The following UGT1A3 variants were observed in gnomAD, a reference collection of about 807,000 sequenced individuals.
UGT1A3 encodes the protein UDP-glucuronosyltransferase 1A3.
Under a neutral mutation model 41.0 loss-of-function variants are expected in UGT1A3, and 31 were observed. The observed-to-expected ratio is 0.76, with a 90% confidence interval of 0.57 to 1.02. The LOEUF (loss-of-function observed/expected upper bound fraction) is 1.02, where lower values mean the gene tolerates loss of function less well. Among genes scored for constraint, UGT1A3 ranks in the 50% least tolerant of loss-of-function variants. UGT1A3 has a pLI of 0.00. For missense variants in UGT1A3, 737 were observed against 671.0 expected, an observed-to-expected ratio of 1.10 and a Z score of -1.09; for synonymous variants, 262 against 257.6, an observed-to-expected ratio of 1.02 and a Z score of -0.17.
intron 1 of UGT1A3, among the ~76,000 whole-genome samples, chr2:233,758,923 C>T (rs1697018666): frequency 6.6e-6 from 1 of 152,192 alleles, no homozygotes; most frequent in Non-Finnish European, 1.5e-5. Context: ...TCATCTTTCC[C>T]TTTTGACTTC....
intron 1 of UGT1A3, chr2:233,760,313 G>T (rs761736540): frequency 6.2e-7 from 1 of 1,613,818 alleles, no homozygotes. Context: ...CAGGGCGGAC[G>T]CCCACTTGTC....
intron 1 of UGT1A3, among the ~76,000 whole-genome samples, chr2:233,759,124 T>C (rs184414791): frequency 7.2e-5 from 11 of 152,358 alleles, no homozygotes; most frequent in Admixed American, 2.6e-4. Flanking sequence ...AGTTACAGCC[T>C]CTGGTACGCA....
chr2:233,752,178 G>A (rs941619397), intron 1 of UGT1A3, among the ~76,000 whole-genome samples: 2 of 152,178 alleles, frequency 1.3e-5, no homozygotes, highest in African/African-American at 4.8e-5. Flanking sequence ...GATGTAAGCT[G>A]AATTAAAATC....
intron 1 of UGT1A3, among the ~76,000 whole-genome samples, chr2:233,762,329 A>G (rs1333390558): frequency 6.6e-6 from 1 of 152,248 alleles, no homozygotes; most frequent in Non-Finnish European, 1.5e-5. Flanking sequence ...GTAATCCACA[A>G]TAGCTCTTTT....
intron 1 of UGT1A3, chr2:233,756,329 T>A (rs934859836): frequency 6.6e-6 from 1 of 152,238 alleles, no homozygotes; most frequent in African/African-American, 2.4e-5. Flanking sequence ...TTTAAACCTC[T>A]AGTCATCTCT....
At chr2:233,748,079 G>T in intron 1 of UGT1A3, 1 of 1,613,192 alleles carries the variant, frequency 6.2e-7, no homozygotes. Context: ...CACTATCTCA[G>T]GTCGGTGTTC....
At chr2:233,755,897 A>G (rs577722637) in intron 1 of UGT1A3, 1 of 152,230 alleles carries the variant, frequency 6.6e-6, no homozygotes, top group South Asian at 2.1e-4. Flanking sequence ...TTTTTTTGAG[A>G]CAAAATGTAG....
At position 233,769,409 on chromosome 2, in the gene UGT1A3, G is replaced by T; in HGVS notation, c.1307+970G>T. The T allele has an allele frequency of 7.6e-7, 1 of 1,316,726 alleles. No individual in the cohort carries two copies. Among genetic ancestry groups the T allele is most frequent in the South Asian group, 1.3e-5 (1 of 78,812 alleles). 81.6% of individuals were successfully genotyped at this position (1,316,726 alleles called of 1,614,324 possible). A position where few individuals can be genotyped will look rare whatever the true frequency, so the allele number is the denominator to read the frequency against. On this transcript the variant is annotated intron_variant, in intron 4 of 4. Transcript: ENST00000482026. The surrounding 1 kb of genome is among the most constrained non-coding windows in gnomAD (Gnocchi z 4.4). The stretch of plus-strand genomic sequence containing the variant: ...AGATACTGTGTGCATATGTGCGTGT[G>T]CGTTTGTGCATGTGGCTGTGCTCAT...
chr2:233,747,715 C>A, intron 1 of UGT1A3: 2 of 1,613,182 alleles, frequency 1.2e-6, no homozygotes, highest in South Asian at 2.2e-5. Flanking sequence ...CTATCAATTC[C>A]TGCTGTGTTT....
intron 4 of UGT1A3, chr2:233,771,470 T>C (rs1389058308): frequency 2.0e-5 from 3 of 152,260 alleles, no homozygotes; most frequent in African/African-American, 7.2e-5. Context: ...TCATGCTAAA[T>C]CTAGCACCCA....
At chr2:233,743,556 T>A in intron 1 of UGT1A3, 1 of 1,367,030 alleles carries the variant, frequency 7.3e-7, no homozygotes, top group Non-Finnish European at 9.8e-7. Flanking sequence ...CCCAAAATAT[T>A]CTCCAGCGGG....
chr2:233,729,519 A>G lies in UGT1A3; in HGVS notation c.393A>G (p.Leu131=). 1 of 1,614,214 alleles carries G rather than the reference A, an allele frequency of 6.2e-7. No homozygotes were observed. The highest frequency in any genetic ancestry group is 1.6e-4 in the Middle Eastern group (1 of 6,062). Residue 131 remains leucine (L), a synonymous_variant, in exon 1 of 5, where the codon CTA becomes CTG. Transcript: ENST00000482026. ...SLVYHRSCVE[L]LHNEALIRHL... is the part of the protein sequence containing the mutation. ...TCTATCATAGGTCTTGTGTGGAGCT[A>G]CTACATAATGAGGCCCTGATCAGGC...
chr2:233,742,980 A>C (rs890471778), intron 1 of UGT1A3: 2 of 228,494 alleles, frequency 8.8e-6, no homozygotes, highest in African/African-American at 4.7e-5. Flanking sequence ...CTTAAGTTTA[A>C]TAAATAGCAA....
chr2:233,744,670 C>T (rs1462469986), intron 1 of UGT1A3, among the ~76,000 whole-genome samples: 1 of 151,906 alleles, frequency 6.6e-6, no homozygotes, highest in Non-Finnish European at 1.5e-5. Flanking sequence ...TGATATTACA[C>T]ATCACCCATG....
In UGT1A3 at chr2:233,751,441, T is replaced by C. The variant is rs573707863; in HGVS notation, c.868-15593T>C. Among the ~76,000 whole-genome samples the C allele has an allele frequency of 5.9e-5, 9 of 152,232 alleles. No homozygotes were observed. In the East Asian group the frequency reaches 7.7e-4, roughly 13 times the overall value. On this transcript the variant is annotated intron_variant, in intron 1 of 4. Transcript: ENST00000482026. Reference sequence around the variant, plus strand: ...GCTAGTGCTGAAATGAGTTAAGACTTTGGAAGATTGTTGGGAAGGCACGAT... The same window carrying C: ...GCTAGTGCTGAAATGAGTTAAGACTCTGGAAGATTGTTGGGAAGGCACGAT...
chr2:233,763,021 T>C (rs1698218577), intron 1 of UGT1A3, among the ~76,000 whole-genome samples: 1 of 152,256 alleles, frequency 6.6e-6, no homozygotes, highest in Non-Finnish European at 1.5e-5. Context: ...TTGCATTATG[T>C]TAGCCATTGT....
At chr2:233,755,308 G>C in intron 1 of UGT1A3, 3 of 564,496 alleles carry the variant, frequency 5.3e-6, no homozygotes, top group Non-Finnish European at 8.4e-6. Flanking sequence ...CTGGCACAGC[G>C]AGCGGCAAGG....
At chr2:233,765,745 A>G (rs554567026) in intron 1 of UGT1A3, among the ~76,000 whole-genome samples, 1 of 151,724 alleles carries the variant, frequency 6.6e-6, no homozygotes, top group Non-Finnish European at 1.5e-5. Context: ...AAACCCATAA[A>G]GCCATTTGAG....
intron 1 of UGT1A3, chr2:233,743,219 T>A (rs1133491): frequency 5.8e-5 from 24 of 411,238 alleles, no homozygotes; most frequent in Middle Eastern, 7.1e-4. Flanking sequence ...TAACTGCTCT[T>A]TGCTATTTAT....
Sources: allele counts gnomAD v4.1 joint callset (sites outside exome capture counted in the v4.1 genomes callset), GRCh38; gene constraint gnomAD v4.1.1; non-coding constraint Gnocchi (gnomAD v3.1); transcripts MANE v1.5; gene names NCBI Gene and HGNC (gene_info 2026-07-23, HGNC 2026-07-21).